The following ASIC2 variants were observed in gnomAD, a reference collection of about 807,000 sequenced individuals.
ASIC2 encodes acid sensing ion channel subunit 2, also known as acid-sensing ion channel 2.
A neutral mutation model predicts 57.3 loss-of-function variants in ASIC2; 25 were observed. That is an observed-to-expected ratio of 0.44 (90% CI 0.32 to 0.61). ASIC2 has a LOEUF of 0.61. Among genes scored for constraint, ASIC2 ranks in the 20% least tolerant of loss-of-function variants. The pLI, the probability that ASIC2 is intolerant of heterozygous loss-of-function variation, is 0.06. For missense variants in ASIC2, 641 were observed against 738.1 expected (o/e 0.87, Z 1.52); for synonymous variants, 319 against 307.5 (o/e 1.04, Z -0.39).
intron 1 of ASIC2, among the ~76,000 whole-genome samples, chr17:33,603,110 C>T (rs942449870): frequency 3.3e-5 from 5 of 152,360 alleles, no homozygotes; most frequent in Admixed American, 2.0e-4. Context: ...CTTTTCTCAG[C>T]CCTCCAGGCA....
At chr17:34,113,164 C>T (rs1330518296) in intron 1 of ASIC2, among the ~76,000 whole-genome samples, 2 of 152,132 alleles carry the variant, frequency 1.3e-5, no homozygotes, top group Non-Finnish European at 2.9e-5. Context: ...TAGACTGCAA[C>T]CCCAAGGAGA....
intron 1 of ASIC2, among the ~76,000 whole-genome samples, chr17:34,055,082 A>T (rs974248236): frequency 2.1e-4 from 32 of 152,232 alleles, no homozygotes. Context: ...GGACAGGAAG[A>T]CAGGAGGAGA....
intron 1 of ASIC2, among the ~76,000 whole-genome samples, chr17:33,579,262 G>T (rs569537615): frequency 7.0e-6 from 1 of 142,066 alleles, no homozygotes; most frequent in East Asian, 2.0e-4. Context: ...CTCCAGCCTG[G>T]GTAGCACGAA....
chr17:33,490,737 G>T (rs1913729302), intron 1 of ASIC2, among the ~76,000 whole-genome samples: 2 of 151,988 alleles, frequency 1.3e-5, no homozygotes, highest in Non-Finnish European at 2.9e-5. Flanking sequence ...CCCAGTCTTG[G>T]GTATGTCTTT....
chr17:33,565,398 C>A (rs1916202603), intron 1 of ASIC2, among the ~76,000 whole-genome samples: 1 of 152,226 alleles, frequency 6.6e-6, no homozygotes, highest in South Asian at 2.1e-4. Context: ...AGGGCTGGGA[C>A]TTGAAAGCAG....
At chr17:33,344,602 C>T (rs1907871922) in intron 1 of ASIC2, among the ~76,000 whole-genome samples, 1 of 152,072 alleles carries the variant, frequency 6.6e-6, no homozygotes, top group African/African-American at 2.4e-5. Flanking sequence ...GCTAAAAAGT[C>T]CCTGTCTTGC....
At chr17:33,251,466 A>G (rs1908879608) in intron 1 of ASIC2, among the ~76,000 whole-genome samples, 1 of 152,188 alleles carries the variant, frequency 6.6e-6, no homozygotes, top group Admixed American at 6.5e-5. Flanking sequence ...AGTAACTGAG[A>G]CTACAGGTGT....
chr17:33,407,574 C>T (rs1426292632), intron 1 of ASIC2, among the ~76,000 whole-genome samples: 1 of 152,050 alleles, frequency 6.6e-6, no homozygotes, highest in Non-Finnish European at 1.5e-5. Flanking sequence ...ATATTTTCTT[C>T]AAGTGATAGA....
rs183817970 is a variant in ASIC2, at chr17:33,594,380, A to G, written c.556-482313T>C. Among the ~76,000 whole-genome samples, 6 of 152,378 alleles carry G rather than the reference A, an allele frequency of 3.9e-5. No individual in the cohort carries two copies. In the East Asian group the frequency reaches 9.6e-4, roughly 25 times the overall value. The stretch of plus-strand genomic sequence containing the variant: ...TGCAAGTCTGAAGTGAGAGAAACCC[A>G]GTGAAGGTCAACATTGTCTACAGTG... On this transcript the variant is annotated intron_variant, in intron 1 of 9. Transcript: ENST00000359872.
chr17:34,104,056 C>T (rs936027939), intron 1 of ASIC2, among the ~76,000 whole-genome samples: 1 of 152,068 alleles, frequency 6.6e-6, no homozygotes, highest in Non-Finnish European at 1.5e-5. Context: ...GGTTTGACAT[C>T]CTAACAATAT....
chr17:33,289,915 A>T (rs1273496150), intron 1 of ASIC2, among the ~76,000 whole-genome samples: 1 of 152,176 alleles, frequency 6.6e-6, no homozygotes, highest in African/African-American at 2.4e-5. Flanking sequence ...CAAAAAAAAC[A>T]ATAAACAACA....
At chr17:33,791,239 T>A (rs1290232040) in intron 1 of ASIC2, among the ~76,000 whole-genome samples, 1 of 152,088 alleles carries the variant, frequency 6.6e-6, no homozygotes, top group East Asian at 1.9e-4. Flanking sequence ...CAGGCAAGAA[T>A]CCTCATAAAC....
At chr17:33,780,128 G>C (rs778808933) in intron 1 of ASIC2, among the ~76,000 whole-genome samples, 2 of 151,860 alleles carry the variant, frequency 1.3e-5, no homozygotes, top group Non-Finnish European at 2.9e-5. Context: ...CCGCCACCAT[G>C]CCTGCCTAAT....
chr17:34,073,431 GAGA>G (rs1357212932), intron 1 of ASIC2, among the ~76,000 whole-genome samples: 2 of 152,236 alleles, frequency 1.3e-5, no homozygotes, highest in African/African-American at 4.8e-5. Flanking sequence ...TTATCAGAGG[GAGA>G]AGGACTGTAG....
intron 1 of ASIC2, among the ~76,000 whole-genome samples, chr17:34,116,809 C>T (rs1424005926): frequency 2.0e-5 from 3 of 152,052 alleles, no homozygotes; most frequent in Non-Finnish European, 4.4e-5. Flanking sequence ...TCCTGAGACT[C>T]CAAAGAATTC....
intron 1 of ASIC2, among the ~76,000 whole-genome samples, chr17:33,307,346 G>A (rs1906226907): frequency 6.7e-6 from 1 of 150,034 alleles, no homozygotes; most frequent in South Asian, 2.1e-4. Context: ...TCACTCTGTT[G>A]CCTAGGCTGG....
intron 1 of ASIC2, among the ~76,000 whole-genome samples, chr17:34,144,768 A>G (rs906408486): frequency 6.6e-6 from 1 of 152,182 alleles, no homozygotes; most frequent in Non-Finnish European, 1.5e-5. Flanking sequence ...ATACCTCATT[A>G]TGTTATTATC....
chr17:33,819,315 T>C (rs1244364145), intron 1 of ASIC2, among the ~76,000 whole-genome samples: 5 of 152,228 alleles, frequency 3.3e-5, no homozygotes, highest in African/African-American at 1.2e-4. Flanking sequence ...CTCCTCTCTC[T>C]ATTGCTCATG....
chr17:34,030,870 G>C (rs1045789558), intron 1 of ASIC2, among the ~76,000 whole-genome samples: 3 of 152,392 alleles, frequency 2.0e-5, no homozygotes, highest in East Asian at 3.9e-4. Flanking sequence ...CAGGAAGCTC[G>C]AACTGGGTGG....
Sources: gnomAD v4.1 joint callset for allele counts (sites outside exome capture counted in the v4.1 genomes callset) on GRCh38, gnomAD v4.1.1 for gene constraint, MANE v1.5 for transcripts, NCBI Gene and HGNC (gene_info 2026-07-23, HGNC 2026-07-21) for gene names.